The following TIAM2 variants were observed in gnomAD, a reference collection of about 807,000 sequenced individuals.
TIAM2 encodes the protein rho guanine nucleotide exchange factor TIAM2.
TIAM2 carries 80 observed loss-of-function variants against 152.9 expected under a neutral mutation model. The ratio of observed to expected loss-of-function variants is 0.52; its 90% CI spans 0.44 to 0.63. The LOEUF (loss-of-function observed/expected upper bound fraction) is 0.63, where lower values mean the gene tolerates loss of function less well. Among genes scored for constraint, TIAM2 ranks in the 30% least tolerant of loss-of-function variants. The probability of loss-of-function intolerance (pLI) is 0.00; values close to 1 mark genes in which losing one functional copy is unlikely to be tolerated. For missense variants in TIAM2, 1,965 were observed against 2,120.1 expected, an observed-to-expected ratio of 0.93 and a Z score of 1.44; for synonymous variants, 804 against 838.0, an observed-to-expected ratio of 0.96 and a Z score of 0.70.
chr6:155,029,480 ATATAC>A (rs1413763056), intron 1 of TIAM2, among the ~76,000 whole-genome samples: 1 of 11,328 alleles, frequency 8.8e-5, no homozygotes, highest in East Asian at 1.9e-3. Context: ...ACTATAGTAT[ATATAC>A]TATAGTATAT....
chr6:155,182,553 A>G (rs1486019469), intron 13 of TIAM2, among the ~76,000 whole-genome samples: 1 of 152,134 alleles, frequency 6.6e-6, no homozygotes, highest in Non-Finnish European at 1.5e-5. Flanking sequence ...TGAGCCCAGG[A>G]GCCCAAGACC....
chr6:155,120,358 T>C (rs55635551), intron 2 of TIAM2, among the ~76,000 whole-genome samples: 11,840 of 152,210 alleles, frequency 0.078, 596 homozygotes, highest in East Asian at 0.24. Context: ...TTCTGCTCAC[T>C]TTTTTTGTAA....
intron 14 of TIAM2, among the ~76,000 whole-genome samples, chr6:155,193,240 A>C (rs1056220308): frequency 4.6e-5 from 7 of 152,180 alleles, no homozygotes; most frequent in African/African-American, 1.7e-4. Flanking sequence ...TCCTATCTCT[A>C]CAAAAAATAA....
At chr6:155,167,886 C>G (rs1305379598) in intron 9 of TIAM2, among the ~76,000 whole-genome samples, 1 of 152,132 alleles carries the variant, frequency 6.6e-6, no homozygotes, top group African/African-American at 2.4e-5. Context: ...TAAATAATAA[C>G]TTGATAAATA....
intron 1 of TIAM2, among the ~76,000 whole-genome samples, chr6:154,999,588 A>G (rs565090076): frequency 6.6e-6 from 1 of 152,344 alleles, no homozygotes; most frequent in African/African-American, 2.4e-5. Context: ...GAAAAAGCTC[A>G]GGATTTGGAA....
chr6:155,200,711 T>C (rs1370100290), intron 14 of TIAM2, among the ~76,000 whole-genome samples: 1 of 152,124 alleles, frequency 6.6e-6, no homozygotes, highest in Non-Finnish European at 1.5e-5. Context: ...GAGACCATCC[T>C]GGCCAATGTG....
intron 15 of TIAM2, among the ~76,000 whole-genome samples, chr6:155,240,284 A>G (rs748845521): frequency 1.3e-5 from 2 of 152,240 alleles, no homozygotes; most frequent in African/African-American, 2.4e-5. Flanking sequence ...GATACATCTA[A>G]CAGCTGATGT....
intron 15 of TIAM2, among the ~76,000 whole-genome samples, chr6:155,226,824 T>C (rs1782264951): frequency 6.6e-6 from 1 of 152,252 alleles, no homozygotes; most frequent in Non-Finnish European, 1.5e-5. Context: ...CCTGTGTGTC[T>C]GTCCCCATCA....
intron 15 of TIAM2, among the ~76,000 whole-genome samples, chr6:155,230,932 C>A (rs921009153): frequency 6.6e-6 from 1 of 150,984 alleles, no homozygotes; most frequent in African/African-American, 2.4e-5. Flanking sequence ...CTCCCGGGTT[C>A]AAGCAGTCCT....
At chr6:155,157,230 G>A (rs1780142378) in intron 7 of TIAM2, among the ~76,000 whole-genome samples, 1 of 152,220 alleles carries the variant, frequency 6.6e-6, no homozygotes, top group African/African-American at 2.4e-5. Flanking sequence ...CCACTTCCCA[G>A]TGTTCCAGGC....
At chr6:155,041,497 G>C (rs1012642367) in intron 1 of TIAM2, among the ~76,000 whole-genome samples, 2 of 152,132 alleles carry the variant, frequency 1.3e-5, no homozygotes, top group East Asian at 1.9e-4. Flanking sequence ...GCAATATTGA[G>C]AGCGAGTAAA....
chr6:155,109,205 T>C (rs999205755), intron 2 of TIAM2, among the ~76,000 whole-genome samples: 8 of 152,076 alleles, frequency 5.3e-5, no homozygotes, highest in Admixed American at 2.6e-4. Context: ...AGGATGGTCT[T>C]GATCTCCTGA....
chr6:155,028,253 T>C (rs528684007), intron 1 of TIAM2, among the ~76,000 whole-genome samples: 1 of 131,356 alleles, frequency 7.6e-6, no homozygotes, highest in Non-Finnish European at 1.6e-5. Flanking sequence ...TGTACTGTGT[T>C]ACATATATAC....
intron 1 of TIAM2, among the ~76,000 whole-genome samples, chr6:155,067,752 C>T (rs34211084): frequency 0.25 from 38,716 of 151,980 alleles, 5,431 homozygotes; most frequent in Non-Finnish European, 0.32. Context: ...GTGGTCCTCC[C>T]ACCTCTTAGC....
intron 10 of TIAM2, among the ~76,000 whole-genome samples, chr6:155,178,094 G>A (rs898905583): frequency 3.3e-5 from 5 of 151,028 alleles, no homozygotes; most frequent in Non-Finnish European, 5.9e-5. Flanking sequence ...CTGGGAGGTG[G>A]AGCTTGCCTT....
chr6:155,029,430 A>G (rs1220001194), intron 1 of TIAM2, among the ~76,000 whole-genome samples: 2 of 10,514 alleles, frequency 1.9e-4, no homozygotes, highest in Non-Finnish European at 1.8e-4. Flanking sequence ...TATATACTAT[A>G]GTATATATTA....
intron 1 of TIAM2, among the ~76,000 whole-genome samples, chr6:155,010,197 CTT>C (rs1263156517): frequency 6.6e-6 from 1 of 152,126 alleles, no homozygotes; most frequent in Non-Finnish European, 1.5e-5. Flanking sequence ...AAGCGGAAGA[CTT>C]ATGACTTTGA....
At chr6:155,005,039 G>C (rs1047229482) in intron 1 of TIAM2, 9 of 520,718 alleles carry the variant, frequency 1.7e-5, no homozygotes, top group South Asian at 3.4e-5. Context: ...AGTAACCCAT[G>C]ATGAGCCAGT....
chr6:155,097,674 T>C (rs1420240640), intron 2 of TIAM2, among the ~76,000 whole-genome samples: 1 of 152,242 alleles, frequency 6.6e-6, no homozygotes, highest in Non-Finnish European at 1.5e-5. Context: ...TAATTCCATG[T>C]ATCGATTTCT....
Sources: allele counts gnomAD v4.1 joint callset (sites outside exome capture counted in the v4.1 genomes callset), GRCh38; gene constraint gnomAD v4.1.1; transcripts MANE v1.5; gene names NCBI Gene and HGNC (gene_info 2026-07-23, HGNC 2026-07-21).